The following C17orf67 variants were observed in gnomAD, a reference collection of about 807,000 sequenced individuals.
C17orf67 encodes the protein uncharacterized protein C17orf67.
In C17orf67, 12 loss-of-function variants were observed where a neutral mutation model predicts 11.2. That is an observed-to-expected ratio of 1.07 (90% CI 0.68 to 1.73). C17orf67 has a LOEUF of 1.73. Ranked by LOEUF, C17orf67 falls within the 40% of genes most tolerant of loss-of-function variation. The probability of loss-of-function intolerance (pLI) is 0.00; values close to 1 mark genes in which losing one functional copy is unlikely to be tolerated. For synonymous variants in C17orf67, 59 were observed against 46.9 expected (o/e 1.26, Z -1.05); for missense variants, 115 against 113.5 (o/e 1.01, Z -0.06).
chr17:56,829,105 A>G (rs976904579), intron 2 of C17orf67, among the ~76,000 whole-genome samples: 6 of 151,968 alleles, frequency 3.9e-5, no homozygotes, highest in Non-Finnish European at 8.8e-5. Context: ...AGTGAAACCC[A>G]TCTCTACTAA....
chr17:56,824,521 A>G (rs1273155289), intron 4 of C17orf67, among the ~76,000 whole-genome samples: 2 of 152,242 alleles, frequency 1.3e-5, no homozygotes, highest in Non-Finnish European at 2.9e-5. Flanking sequence ...TGGATTAGCT[A>G]AAGATACTCA....
intron 6 of C17orf67, 150 bp downstream of exon 6, chr17:56,814,719 G>A (rs890400948): frequency 1.3e-6 from 1 of 756,536 alleles, no homozygotes; most frequent in Non-Finnish European, 2.3e-6. Context: ...AAAATGCATA[G>A]GTAAAAGATT....
At chr17:56,793,641 G>C (rs1213191013) in intron 7 of C17orf67, among the ~76,000 whole-genome samples, 1 of 152,244 alleles carries the variant, frequency 6.6e-6, no homozygotes, top group Non-Finnish European at 1.5e-5. Flanking sequence ...AGTGAGGTTA[G>C]GCAACTTGCC....
At chr17:56,803,157 A>T (rs183512400) in intron 6 of C17orf67, among the ~76,000 whole-genome samples, 2 of 152,396 alleles carry the variant, frequency 1.3e-5, no homozygotes, top group East Asian at 3.9e-4. Flanking sequence ...ACAAAGTGCA[A>T]TGGGGTTTCA....
Position 56,816,903 on chromosome 17 carries a change from CA to C in C17orf67, c.-200-894del, listed in dbSNP as rs539046346. On this transcript the variant is annotated intron_variant, in intron 4 of 7. Coordinates refer to ENST00000397861, the MANE Select transcript of C17orf67 (RefSeq NM_001085430.4). ...GGGGGTCTCACTCTGGGTCTCACTT[CA>C]GGCTGGTGTGCAGAGGCTCACTGCA... Among the ~76,000 whole-genome samples the C allele has an allele frequency of 4.3e-3, 660 of 152,314 alleles. 7 individuals carry two copies. Among genetic ancestry groups the C allele is most frequent in the Non-Finnish European group, 5.6e-3 (379 of 68,036 alleles).
intron 7 of C17orf67, among the ~76,000 whole-genome samples, chr17:56,794,059 C>T (rs188638955): frequency 6.6e-6 from 1 of 152,292 alleles, no homozygotes; most frequent in African/African-American, 2.4e-5. Flanking sequence ...GGTCAGAAGC[C>T]TAGCATACCA....
At chr17:56,833,505 G>A (rs1567804434) in intron 1 of C17orf67, 113 bp downstream of exon 1, 1 of 150,576 alleles carries the variant, frequency 6.6e-6, no homozygotes, top group Non-Finnish European at 1.5e-5. Flanking sequence ...CCGGGCTCGG[G>A]GTCAGCGGCG....
chr17:56,805,951 C>T (rs1905436427), intron 6 of C17orf67, among the ~76,000 whole-genome samples: 1 of 146,916 alleles, frequency 6.8e-6, no homozygotes, highest in Non-Finnish European at 1.5e-5. Context: ...GGAGAAGGGA[C>T]AGGACTACAG....
intron 7 of C17orf67, 120 bp downstream of exon 7, chr17:56,794,924 C>G: frequency 1.5e-6 from 1 of 670,894 alleles, no homozygotes; most frequent in Non-Finnish European, 2.6e-6. Flanking sequence ...CCATTCCAAA[C>G]CCATAACCAG....
chr17:56,804,620 A>G (rs1330968228), intron 6 of C17orf67, among the ~76,000 whole-genome samples: 1 of 152,242 alleles, frequency 6.6e-6, no homozygotes, highest in Non-Finnish European at 1.5e-5. Context: ...AAGACTACTT[A>G]CAATAAAGCT....
intron 6 of C17orf67, among the ~76,000 whole-genome samples, chr17:56,809,919 TCA>T (rs1287058823): frequency 3.5e-5 from 4 of 113,324 alleles, no homozygotes; most frequent in East Asian, 3.1e-4. Context: ...ACACACACCC[TCA>T]CACACCCCTC....
intron 6 of C17orf67, among the ~76,000 whole-genome samples, chr17:56,797,861 T>C (rs549824857): frequency 6.6e-6 from 1 of 152,306 alleles, no homozygotes; most frequent in South Asian, 2.1e-4. Flanking sequence ...TTTCTGTATA[T>C]GGGTTACTCA....
chr17:56,807,169 G>A (rs1905472266), intron 6 of C17orf67, among the ~76,000 whole-genome samples: 3 of 152,186 alleles, frequency 2.0e-5, no homozygotes, highest in Admixed American at 2.0e-4. Flanking sequence ...CATTTAAACA[G>A]CTGTCAGAGG....
intron 6 of C17orf67, among the ~76,000 whole-genome samples, chr17:56,806,374 C>T (rs1905453101): frequency 2.0e-5 from 3 of 152,148 alleles, no homozygotes; most frequent in Admixed American, 2.0e-4. Flanking sequence ...CAAGTAATTA[C>T]TCTAGTATAC....
intron 4 of C17orf67, among the ~76,000 whole-genome samples, chr17:56,822,567 A>G (rs1381194985): frequency 6.6e-6 from 1 of 152,248 alleles, no homozygotes; most frequent in Non-Finnish European, 1.5e-5. Flanking sequence ...ACACATAATA[A>G]AAGTCTACTA....
chr17:56,831,956 C>CT (rs968445128), intron 2 of C17orf67, among the ~76,000 whole-genome samples: 39 of 151,412 alleles, frequency 2.6e-4, no homozygotes, highest in East Asian at 5.8e-4. Context: ...CTTTTTCTTT[C>CT]TTTTTTTTTG....
In C17orf67 at chr17:56,806,198, T is replaced by C. The variant is rs1361923078; in HGVS notation, c.156+8671A>G. 2.6e-5 allele frequency among the ~76,000 whole-genome samples: 4 copies of C among 152,008 alleles called. No homozygotes were observed. The East Asian group carries it at 7.7e-4, about 29-fold the overall frequency. On this transcript the variant is annotated intron_variant, in intron 6 of 7. Transcript: ENST00000397861. Reference sequence around the variant, plus strand: ...ACTATGTTAGCCAGGATGGTCTCGATCTCCTGACCTCATGATCCGGCCGCC... The same window carrying C: ...ACTATGTTAGCCAGGATGGTCTCGACCTCCTGACCTCATGATCCGGCCGCC...
chr17:56,796,468 C>T (rs572423025), intron 6 of C17orf67, among the ~76,000 whole-genome samples: 24 of 152,190 alleles, frequency 1.6e-4, no homozygotes, highest in Non-Finnish European at 2.8e-4. Flanking sequence ...AAGGACCACA[C>T]GGTGTATGAT....
chr17:56,828,569 T>C (rs745687532), intron 2 of C17orf67, among the ~76,000 whole-genome samples: 1 of 152,040 alleles, frequency 6.6e-6, no homozygotes, highest in Non-Finnish European at 1.5e-5. Flanking sequence ...TACAGAAGAG[T>C]TTATAAACCA....
Sources: allele counts gnomAD v4.1 joint callset (sites outside exome capture counted in the v4.1 genomes callset), GRCh38; gene constraint gnomAD v4.1.1; transcripts MANE v1.5; gene names NCBI Gene and HGNC (gene_info 2026-07-23, HGNC 2026-07-21).